The following PPHLN1 variants were observed in gnomAD, a reference collection of about 807,000 sequenced individuals.
PPHLN1 encodes periphilin 1.
PPHLN1 carries 29 observed loss-of-function variants against 51.3 expected under a neutral mutation model. That is an observed-to-expected ratio of 0.57 (90% CI 0.42 to 0.77). The LOEUF (loss-of-function observed/expected upper bound fraction) is 0.77. Ranked by LOEUF, PPHLN1 falls within the 30% of genes least tolerant of loss-of-function variation. PPHLN1 has a pLI of 0.00. For synonymous variants in PPHLN1, 147 were observed against 147.8 expected (o/e 0.99, Z 0.04); for missense variants, 436 against 438.4 (o/e 0.99, Z 0.05).
At position 42,375,017 on chromosome 12, in the gene PPHLN1, A is replaced by G; in HGVS notation, c.454A>G (p.Arg152Gly). The change falls in exon 5 of 10, where the codon AGA (arginine) becomes GGA (glycine). Residue 152 changes from arginine to glycine, a missense_variant. By Grantham distance (125) the Arg-to-Gly change is moderately radical (BLOSUM62 -2). Coordinates refer to ENST00000358314, the MANE Select transcript of PPHLN1 (RefSeq NM_201439.2). ...HSRSGSSVSS[R>G]SYSPERSKSY... ...CAGATCTGGTTCCAGTGTCAGTAGC[A>G]GAAGCTACTCTCCAGAAAGGAGCAA... The G allele has an allele frequency of 1.2e-6, 2 of 1,613,946 alleles. No homozygotes were observed. Among genetic ancestry groups the G allele is most frequent in the East Asian group, 2.2e-5 (1 of 44,862 alleles).
chr12:42,345,143 T>C (rs1385437280), intron 2 of PPHLN1, among the ~76,000 whole-genome samples: 1 of 152,176 alleles, frequency 6.6e-6, no homozygotes. Context: ...AAGAAGTAGC[T>C]GATTATTTTC....
chr12:42,332,828 T>TC (rs1476482492), intron 1 of PPHLN1: 1 of 511,562 alleles, frequency 2.0e-6, no homozygotes, highest in Non-Finnish European at 3.3e-6. Context: ...TGTTTATTTT[T>TC]CTCATTTATT....
chr12:42,367,627 ATCTT>A (rs1197883464), intron 4 of PPHLN1, among the ~76,000 whole-genome samples: 2 of 152,164 alleles, frequency 1.3e-5, no homozygotes, highest in Non-Finnish European at 2.9e-5. Context: ...TTTTTCGTCT[ATCTT>A]CCATTGAATT....
intron 4 of PPHLN1, among the ~76,000 whole-genome samples, chr12:42,374,095 A>G (rs922211842): frequency 1.3e-5 from 2 of 152,104 alleles, no homozygotes; most frequent in Non-Finnish European, 2.9e-5. Context: ...GGGTGGGCAA[A>G]TTGCATATAC....
At chr12:42,392,810 A>G (rs2077847806) in intron 7 of PPHLN1, among the ~76,000 whole-genome samples, 1 of 152,204 alleles carries the variant, frequency 6.6e-6, no homozygotes, top group Non-Finnish European at 1.5e-5. Flanking sequence ...GAAAAGAAAG[A>G]AACACTAAGG....
chr12:42,347,871 C>T (rs908140412), intron 2 of PPHLN1, among the ~76,000 whole-genome samples: 1 of 152,142 alleles, frequency 6.6e-6, no homozygotes, highest in Non-Finnish European at 1.5e-5. Flanking sequence ...CTGGATAAGA[C>T]ACGAACGCTT....
chr12:42,380,276 A>C (rs1592571170), intron 5 of PPHLN1, among the ~76,000 whole-genome samples: 1 of 152,016 alleles, frequency 6.6e-6, no homozygotes, highest in African/African-American at 2.4e-5. Flanking sequence ...TTTACTTTGC[A>C]AGATTTGCAA....
intron 9 of PPHLN1, among the ~76,000 whole-genome samples, chr12:42,436,535 A>G (rs1383034785): frequency 6.6e-6 from 1 of 152,150 alleles, no homozygotes; most frequent in Non-Finnish European, 1.5e-5. Context: ...CTCCACTCCT[A>G]TATAAAAGCA....
intron 7 of PPHLN1, among the ~76,000 whole-genome samples, chr12:42,389,809 G>A (rs920865275): frequency 5.3e-5 from 8 of 150,212 alleles, no homozygotes; most frequent in African/African-American, 1.9e-4. Flanking sequence ...CATGTATGGT[G>A]TATTTTTTCT....
intron 9 of PPHLN1, among the ~76,000 whole-genome samples, chr12:42,424,894 AAAAG>A (rs890522924): frequency 7.3e-6 from 1 of 136,620 alleles, no homozygotes; most frequent in African/African-American, 2.7e-5. Context: ...ACAGAAAACA[AAAAG>A]AAAAAAAGCA....
Position 42,355,163 on chromosome 12 carries a change from T to A in PPHLN1, c.240T>A (p.Asp80Glu), listed in dbSNP as rs138475402. Residue 80 changes from aspartate to glutamate, a missense_variant and splice_region_variant, in exon 4 of 10, where the codon GAT (aspartate) becomes GAA (glutamate). Coordinates refer to ENST00000358314, the MANE Select transcript of PPHLN1 (RefSeq NM_201439.2). ...TAAGTAGCTTTTTTATGTTACAGGA[T>A]GAATCTGGTTATAGATGGACAAGAG... is the stretch of plus-strand genomic sequence containing the variant. ...DRRSGPPHRG[D>E]ESGYRWTRDD... The A allele has an allele frequency of 6.5e-5, 105 of 1,613,490 alleles. 2 individuals are homozygous for A. In the African/African-American group the frequency reaches 1.3e-3, roughly 20 times the overall value.
intron 8 of PPHLN1, among the ~76,000 whole-genome samples, chr12:42,396,615 C>CAAAAAATAAAA (rs2078224527): frequency 1.2e-5 from 1 of 85,484 alleles, no homozygotes. Flanking sequence ...CTTGTCACTA[C>CAAAAAATAAAA]AAAAAAAAAA....
rs1212080796 is a variant in PPHLN1 at position 42,341,628 on chromosome 12, A to AT, written c.72+5656dup. ...GGTATGCTTTTAAATTATTATTATT[A>AT]TTATTATTTTTTGAGGCGGAGTCTG... is the stretch of plus-strand genomic sequence containing the variant. On this transcript the variant is annotated intron_variant, in intron 2 of 9. Coordinates refer to ENST00000358314, the MANE Select transcript of PPHLN1 (RefSeq NM_201439.2). Among the ~76,000 whole-genome samples, 275 of 151,522 alleles carry AT rather than the reference A, an allele frequency of 1.8e-3. 1 individual carries two copies. Among genetic ancestry groups the AT allele is most frequent in the African/African-American group, 5.8e-3 (241 of 41,276 alleles).
chr12:42,437,021 A>G (rs1418760733), intron 9 of PPHLN1, among the ~76,000 whole-genome samples: 1 of 152,190 alleles, frequency 6.6e-6, no homozygotes, highest in Admixed American at 6.5e-5. Flanking sequence ...TCTCAGGAGC[A>G]GGAACCCAAA....
At chr12:42,440,572 T>G (rs533150573) in intron 9 of PPHLN1, among the ~76,000 whole-genome samples, 2 of 152,310 alleles carry the variant, frequency 1.3e-5, no homozygotes, top group East Asian at 3.9e-4. Flanking sequence ...AACCTGAGAA[T>G]AATATATAAA....
chr12:42,409,462 T>G (rs2079609304), intron 9 of PPHLN1, among the ~76,000 whole-genome samples: 1 of 152,162 alleles, frequency 6.6e-6, no homozygotes, highest in African/African-American at 2.4e-5. Flanking sequence ...TAAAGGTTAA[T>G]GTGCTTGGGA....
intron 9 of PPHLN1, chr12:42,433,260 TA>T (rs2082196852): frequency 1.4e-6 from 1 of 692,970 alleles, no homozygotes; most frequent in Admixed American, 2.0e-5. Context: ...TTCACTAATT[TA>T]TTTTTTTATA....
intron 2 of PPHLN1, among the ~76,000 whole-genome samples, chr12:42,347,403 G>A (rs2072514476): frequency 6.6e-6 from 1 of 152,192 alleles, no homozygotes; most frequent in Non-Finnish European, 1.5e-5. Context: ...TGTAAGATTT[G>A]CATAAGAATT....
At chr12:42,402,221 T>C (rs1282232890) in intron 9 of PPHLN1, among the ~76,000 whole-genome samples, 1 of 152,240 alleles carries the variant, frequency 6.6e-6, no homozygotes, top group Non-Finnish European at 1.5e-5. Flanking sequence ...TGTTCTTTTC[T>C]TTCTTTTAAC....
Sources: allele counts gnomAD v4.1 joint callset (sites outside exome capture counted in the v4.1 genomes callset), GRCh38; gene constraint gnomAD v4.1.1; transcripts MANE v1.5; gene names NCBI Gene and HGNC (gene_info 2026-07-23, HGNC 2026-07-21).